URGCP: variants seen among roughly 807,000 people sequenced by gnomAD.
URGCP encodes the protein up-regulator of cell proliferation.
A neutral mutation model predicts 24.6 loss-of-function variants in URGCP; 13 were observed. The observed-to-expected ratio is 0.53, with a 90% CI of 0.34 to 0.84. URGCP has a LOEUF of 0.84. Ranked by LOEUF, URGCP falls within the 40% of genes least tolerant of loss-of-function variation. URGCP has a pLI of 0.01. For synonymous variants in URGCP, 444 were observed against 487.2 expected (o/e 0.91, Z 1.17); for missense variants, 899 against 1,194.3 (o/e 0.75, Z 3.64).
intron 3 of URGCP, among the ~76,000 whole-genome samples, chr7:43,883,349 T>A (rs1207222886): frequency 1.0e-5 from 1 of 98,908 alleles, no homozygotes; most frequent in Non-Finnish European, 1.9e-5. Flanking sequence ...TATATATATA[T>A]ATATATATAT....
At chr7:43,897,567 G>GC (rs1300269292) in intron 1 of URGCP, among the ~76,000 whole-genome samples, 2 of 118,926 alleles carry the variant, frequency 1.7e-5, no homozygotes, top group Non-Finnish European at 3.9e-5. Context: ...CTAAGGCTTT[G>GC]GGGAGGAAGA....
chr7:43,889,907 AT>A (rs11386546), intron 1 of URGCP, among the ~76,000 whole-genome samples: 5,162 of 145,610 alleles, frequency 0.035, 300 homozygotes, highest in African/African-American at 0.12. Flanking sequence ...ACTGGAAGCA[AT>A]TTTTTTTTTT....
At position 43,923,741 on chromosome 7, in the gene URGCP, ATAT is replaced by A. The variant is rs557337771; in HGVS notation, c.-116+2388_-116+2390del. ...ACTCTGCATCTTAGACTGTACTGAG[ATAT>A]TATTATTTCAAACATTTTCTCGCAT... On this transcript the variant is annotated intron_variant, in intron 1 of 5. Coordinates refer to the URGCP transcript ENST00000426198. 2.3e-4 allele frequency among the ~76,000 whole-genome samples: 35 copies of A among 152,128 alleles called. 1 individual carries two copies. In the South Asian group the frequency reaches 6.0e-3, roughly 26 times the overall value.
At position 43,877,959 on chromosome 7, in the gene URGCP, T is replaced by A; in HGVS notation, c.1504A>T (p.Arg502Ter). 1 of 1,614,184 alleles carries A rather than the reference T, an allele frequency of 6.2e-7. No individual in the cohort carries two copies. The highest frequency in any genetic ancestry group is 8.5e-7 in the Non-Finnish European group (1 of 1,180,038). Residue 502 changes from arginine to a stop codon, truncating the protein, a stop_gained, in exon 6 of 6, where the codon AGA becomes TGA. Transcript: ENST00000453200. LOFTEE classifies it low-confidence loss of function (END_TRUNC). ...DELRLQGDPWRKAAQVEKEFC... is the reference protein window; with the variant it reads ...DELRLQGDPW The stretch of plus-strand genomic sequence containing the variant: ...TCCTTCTCCACTTGGGCTGCCTTTC[T>A]CCAGGGGTCCCCCTGCAGCCTCAGC...
intron 1 of URGCP, among the ~76,000 whole-genome samples, chr7:43,922,478 G>A (rs2095923540): frequency 6.6e-6 from 1 of 152,234 alleles, no homozygotes; most frequent in African/African-American, 2.4e-5. Context: ...AACACTTGTT[G>A]TCTGTCCCTT....
chr7:43,896,127 T>C (rs2095877905), intron 1 of URGCP, among the ~76,000 whole-genome samples: 2 of 151,578 alleles, frequency 1.3e-5, no homozygotes, highest in South Asian at 4.2e-4. Flanking sequence ...AAAAATTGAG[T>C]GAATGGAAGT....
rs377715616 is a variant in URGCP, at chr7:43,877,611, G to A, written c.1852C>T (p.Arg618Trp). 10 of 1,614,036 alleles carry A rather than the reference G, an allele frequency of 6.2e-6. No individual in the cohort carries two copies. Among genetic ancestry groups the A allele is most frequent in the African/African-American group, 4.0e-5 (3 of 74,936 alleles). The change falls in exon 6 of 6, where the codon CGG becomes TGG. Residue 618 changes from arginine to tryptophan, a missense_variant. By Grantham distance (101) the Arg-to-Trp change is moderately radical. Transcript: ENST00000453200. The stretch of plus-strand genomic sequence containing the variant: ...GCCTCATAAAACTGTCCCATCTCCC[G>A]CAAGAAGTGTTCCACCCCTAGGGGC... Reference protein sequence around the residue: ...PEPLGVEHFLREMGQFYEAES... With the variant: ...PEPLGVEHFLWEMGQFYEAES...
chr7:43,877,331 G>T lies in URGCP; in HGVS notation c.2132C>A (p.Thr711Asn). Reference protein sequence around the residue: ...PGTGKSTLLNTMFGLRFATGK... With the variant: ...PGTGKSTLLNNMFGLRFATGK... ...TGTGGCAAACCGCAGCCCAAACATG[G>T]TGTTGAGGAGTGTGGACTTGCCCGT... Residue 711 changes from threonine (T) to asparagine (N), a missense_variant, in exon 6 of 6, where the codon ACC (threonine) becomes AAC (asparagine). Transcript: ENST00000453200. 4 of 1,612,824 alleles carry T rather than the reference G, an allele frequency of 2.5e-6. No homozygotes were observed. Among genetic ancestry groups the T allele is most frequent in the Non-Finnish European group, 3.4e-6 (4 of 1,180,034 alleles).
chr7:43,887,757 CA>C, intron 2 of URGCP, 32 bp downstream of exon 2: 1 of 1,548,610 alleles, frequency 6.5e-7, no homozygotes, highest in Non-Finnish European at 8.7e-7. Context: ...AGCACAAATA[CA>C]GTCATTCAGA....
At chr7:43,891,125 C>G (rs763469388) in intron 1 of URGCP, among the ~76,000 whole-genome samples, 36 of 152,190 alleles carry the variant, frequency 2.4e-4, no homozygotes, top group Non-Finnish European at 4.6e-4. Flanking sequence ...TTCTGCTGAC[C>G]TACCTCAGAA....
chr7:43,881,204 C>T, intron 5 of URGCP: 1 of 702,784 alleles, frequency 1.4e-6, no homozygotes, highest in Non-Finnish European at 2.6e-6. Context: ...GGGAAAAAGA[C>T]AAAGAAAACA....
intron 1 of URGCP, 124 bp from the exon 2 acceptor site, chr7:43,887,940 T>A (rs1257719948): frequency 1.1e-5 from 7 of 621,604 alleles, no homozygotes; most frequent in Non-Finnish European, 1.9e-5. Context: ...TCTGCAGCCA[T>A]TAAAAAATAC....
Position 43,877,137 on chromosome 7 carries a change from T to C in URGCP, c.2326A>G (p.Thr776Ala), listed in dbSNP as rs1190311743. 3.7e-6 allele frequency: 6 copies of C among 1,614,116 alleles called. No homozygotes were observed. The highest frequency in any genetic ancestry group is 8.5e-7 in the Non-Finnish European group (1 of 1,180,006). Residue 776 changes from threonine to alanine, a missense_variant, in exon 6 of 6, where the codon ACT (threonine) becomes GCT (alanine). By Grantham distance (58) the Thr-to-Ala change is moderately conservative. Coordinates refer to ENST00000453200, the MANE Select transcript of URGCP (RefSeq NM_001077663.3). ...ACATTGCTCAGTCCCATGAGCAGAG[T>C]GGCCAAGGAAGCCTCCAGCTCAAAT... is the stretch of plus-strand genomic sequence containing the variant. ...DRFELEASLA[T>A]LLMGLSNVTV...
rs2095844534 is a variant in URGCP at position 43,876,510 on chromosome 7, T to C, written c.*157A>G. The C allele has an allele frequency of 1.3e-6, 1 of 747,660 alleles. No individual in the cohort carries two copies. The highest frequency in any genetic ancestry group is 2.1e-5 in the African/African-American group (1 of 47,870). The allele number at this position is 747,660 out of a possible 1,614,324, so 46.3% of individuals were successfully genotyped here. ...GTGAGGTCACTTCCTCTTTTAACAC[T>C]GTTGAGGAGACTCCAAACCCTGTCT... is the stretch of plus-strand genomic sequence containing the variant. On this transcript the variant is annotated 3_prime_UTR_variant, in exon 6 of 6. Coordinates refer to ENST00000453200, the MANE Select transcript of URGCP (RefSeq NM_001077663.3).
chr7:43,908,390 C>T (rs147757093), upstream of URGCP, among the ~76,000 whole-genome samples: 266 of 152,246 alleles, frequency 1.7e-3, 1 homozygote, highest in African/African-American at 6.1e-3. Flanking sequence ...AATAAGCATT[C>T]TTTTAAACAT....
chr7:43,888,134 G>A (rs749174329), intron 1 of URGCP: 3 of 230,978 alleles, frequency 1.3e-5, no homozygotes, highest in African/African-American at 2.3e-5. Context: ...TTCATCTGAA[G>A]TTAACACTGT....
intron 1 of URGCP, among the ~76,000 whole-genome samples, chr7:43,903,602 T>A (rs2095895579): frequency 6.6e-6 from 1 of 152,128 alleles, no homozygotes; most frequent in Admixed American, 6.6e-5. Context: ...CTAGTGTAGT[T>A]GGAAATGAAA....
chr7:43,877,781 C>A lies in URGCP; in HGVS notation c.1682G>T (p.Ser561Ile). 1 of 1,602,580 alleles carries A rather than the reference C, an allele frequency of 6.2e-7. No homozygotes were observed. The highest frequency in any genetic ancestry group is 8.5e-7 in the Non-Finnish European group (1 of 1,174,192). ...CCACCTCAGGAAGTACTGCTTCTCA[C>A]TCAAGGAGGGGCTGCTGATCCCCGA... ...FISGISSPSL[S>I]EKQYFLRWME... The change falls in exon 6 of 6, where the codon AGT becomes ATT. Residue 561 changes from serine (S) to isoleucine (I), a missense_variant. Physicochemically the swap from Ser to Ile is moderately radical, Grantham distance 142. Coordinates refer to ENST00000453200, the MANE Select transcript of URGCP (RefSeq NM_001077663.3).
In URGCP at chr7:43,877,511, G is replaced by A. The variant is rs183216854; in HGVS notation, c.1952C>T (p.Ser651Leu). The A allele has an allele frequency of 1.4e-4, 218 of 1,613,208 alleles. No homozygotes were observed. Among genetic ancestry groups the A allele is most frequent in the Non-Finnish European group, 1.8e-4 (211 of 1,180,020 alleles). ...AGGCAGCCCTGTCAGCAGCAGCTCC[G>A]AGGCCAAGCCTGGGAAGTGGGCAAA... ...RRFAHFPGLA[S>L]ELLLTGLPLE... Residue 651 changes from serine (S) to leucine (L), a missense_variant, in exon 6 of 6, where the codon TCG becomes TTG. Physicochemically the swap from Ser to Leu is moderately radical, Grantham distance 145 (BLOSUM62 -2). Transcript: ENST00000453200.
Sources: allele counts gnomAD v4.1 joint callset (sites outside exome capture counted in the v4.1 genomes callset), GRCh38; gene constraint gnomAD v4.1.1; transcripts MANE v1.5; gene names NCBI Gene and HGNC (gene_info 2026-07-23, HGNC 2026-07-21).